Variants in DCC observed in about 807,000 individuals in gnomAD.
DCC encodes netrin receptor DCC.
Under a neutral mutation model 172.5 loss-of-function variants are expected in DCC, and 58 were observed. The observed-to-expected ratio is 0.34, with a 90% CI of 0.27 to 0.42. The LOEUF is 0.42. DCC is among the 10% of genes least tolerant of loss of function. The pLI is 1.00. For missense variants in DCC, 1,740 were observed against 1,791.0 expected (o/e 0.97, Z 0.51); for synonymous variants, 709 against 644.5 (o/e 1.10, Z -1.52).
chr18:53,023,802 T>A (rs1192131909), intron 5 of DCC, among the ~76,000 whole-genome samples: 2 of 152,134 alleles, frequency 1.3e-5, no homozygotes, highest in Non-Finnish European at 2.9e-5. Flanking sequence ...GCCTCACTTA[T>A]GTGTGGATTG....
At chr18:52,999,878 A>G (rs1248205085) in intron 5 of DCC, among the ~76,000 whole-genome samples, 1 of 152,014 alleles carries the variant, frequency 6.6e-6, no homozygotes, top group African/African-American at 2.4e-5. Context: ...TTATTAGTTA[A>G]GATAAGGTAA....
chr18:52,791,983 TAG>T (rs1374667236), intron 2 of DCC, among the ~76,000 whole-genome samples: 2 of 152,050 alleles, frequency 1.3e-5, no homozygotes, highest in Non-Finnish European at 2.9e-5. Flanking sequence ...TTGTTGAAGG[TAG>T]AGTTTTCCCA....
chr18:53,262,333 A>G (rs2056616564), intron 12 of DCC, among the ~76,000 whole-genome samples: 1 of 152,182 alleles, frequency 6.6e-6, no homozygotes, highest in Non-Finnish European at 1.5e-5. Context: ...AAATTCTAAT[A>G]TTTGAGAGTC....
At chr18:52,591,981 G>T (rs2033811661) in intron 1 of DCC, among the ~76,000 whole-genome samples, 1 of 151,944 alleles carries the variant, frequency 6.6e-6, no homozygotes, top group South Asian at 2.1e-4. Context: ...CTCATAGGCA[G>T]TTCTGTAGTC....
chr18:52,943,746 T>G (rs7243476), intron 5 of DCC, among the ~76,000 whole-genome samples: 20 of 151,872 alleles, frequency 1.3e-4, no homozygotes, highest in East Asian at 3.9e-4. Flanking sequence ...TGGTTTTTTT[T>G]TTTGTTTGTT....
intron 21 of DCC, among the ~76,000 whole-genome samples, chr18:53,429,050 TATATTATATA>T (rs1568127062): frequency 3.0e-5 from 2 of 66,374 alleles, no homozygotes; most frequent in African/African-American, 9.6e-5. Flanking sequence ...TTATATATAA[TATATTATATA>T]TTTTATATAT....
chr18:52,499,618 C>A (rs892688712), intron 1 of DCC, among the ~76,000 whole-genome samples: 2 of 152,120 alleles, frequency 1.3e-5, no homozygotes, highest in African/African-American at 2.4e-5. Flanking sequence ...TTAACAAAGA[C>A]CTTTCAGTGC....
In DCC at chr18:52,651,400, C is replaced by G. The variant is rs529986775; in HGVS notation, c.92-100654C>G. Among the ~76,000 whole-genome samples, 338 of 152,072 alleles carry G rather than the reference C, an allele frequency of 2.2e-3. 1 individual carries two copies. Among genetic ancestry groups the G allele is most frequent in the Middle Eastern group, 0.01 (3 of 292 alleles). On this transcript the variant is annotated intron_variant, in intron 1 of 28. Coordinates refer to ENST00000442544, the MANE Select transcript of DCC (RefSeq NM_005215.4). ...GTCTCACCATGTTGCCCAGGCTAGT[C>G]TCAAACCCCTGGGCTCAAGCGATCC... is the stretch of plus-strand genomic sequence containing the variant.
At chr18:52,362,640 T>A (rs60228331) in intron 1 of DCC, among the ~76,000 whole-genome samples, 1 of 152,166 alleles carries the variant, frequency 6.6e-6, no homozygotes, top group Non-Finnish European at 1.5e-5. Flanking sequence ...TATTAACTCC[T>A]GAAACCAAGA....
intron 15 of DCC, among the ~76,000 whole-genome samples, chr18:53,380,153 C>T (rs972519190): frequency 6.6e-6 from 1 of 152,080 alleles, no homozygotes; most frequent in Non-Finnish European, 1.5e-5. Flanking sequence ...ATGTGTTTAA[C>T]TCATTTGATG....
At chr18:52,406,669 T>C (rs985925771) in intron 1 of DCC, among the ~76,000 whole-genome samples, 4 of 152,072 alleles carry the variant, frequency 2.6e-5, no homozygotes, top group African/African-American at 4.8e-5. Flanking sequence ...TCTTACTGTC[T>C]CTCTGTTACA....
chr18:53,362,149 A>G (rs765527449), intron 15 of DCC, among the ~76,000 whole-genome samples: 1 of 152,212 alleles, frequency 6.6e-6, no homozygotes, highest in Non-Finnish European at 1.5e-5. Context: ...CATTATTGCC[A>G]TACCATCTTT....
At chr18:52,802,421 G>A (rs569547430) in intron 2 of DCC, among the ~76,000 whole-genome samples, 3 of 151,378 alleles carry the variant, frequency 2.0e-5, no homozygotes, top group South Asian at 4.2e-4. Flanking sequence ...ACAAAACAGG[G>A]TTAGCCATGC....
intron 5 of DCC, among the ~76,000 whole-genome samples, chr18:53,031,473 T>C (rs1036795255): frequency 1.3e-5 from 2 of 152,106 alleles, no homozygotes; most frequent in Non-Finnish European, 2.9e-5. Context: ...GAGATGAGGG[T>C]CCAATTCTTT....
rs151282063 is a variant in DCC at position 53,194,207 on chromosome 18, T to A, written c.1574-11009T>A. On this transcript the variant is annotated intron_variant, in intron 9 of 28. Coordinates refer to ENST00000442544, the MANE Select transcript of DCC (RefSeq NM_005215.4). ...TGAGATATATACAGGCTCAAATCAA[T>A]GTGAAGTAAGCAAGAAGCCAGTGAA... is the stretch of plus-strand genomic sequence containing the variant. Among the ~76,000 whole-genome samples, 382 of 152,218 alleles carry A rather than the reference T, an allele frequency of 2.5e-3. 4 individuals carry two copies. The highest frequency in any genetic ancestry group is 8.7e-3 in the African/African-American group (362 of 41,526).
chr18:52,885,087 G>C (rs572029154), intron 2 of DCC, among the ~76,000 whole-genome samples: 2 of 152,188 alleles, frequency 1.3e-5, no homozygotes, highest in South Asian at 4.1e-4. Flanking sequence ...CCACCACTAG[G>C]AATGTGCTGG....
chr18:53,261,781 G>A (rs1446497199), intron 12 of DCC, among the ~76,000 whole-genome samples: 1 of 152,130 alleles, frequency 6.6e-6, no homozygotes, highest in Non-Finnish European at 1.5e-5. Flanking sequence ...TTACAAGCGT[G>A]AGCCACTGCG....
Position 52,718,973 on chromosome 18 carries a change from T to C in DCC, c.92-33081T>C, listed in dbSNP as rs565615998. 1.4e-3 allele frequency among the ~76,000 whole-genome samples: 218 copies of C among 152,292 alleles called. 1 individual carries two copies. The highest frequency in any genetic ancestry group is 2.6e-3 in the Non-Finnish European group (177 of 68,008). On this transcript the variant is annotated intron_variant, in intron 1 of 28. Coordinates refer to ENST00000442544, the MANE Select transcript of DCC (RefSeq NM_005215.4). ...GGAGACCTCAAGTGTGAAATCAAGA[T>C]GTCAGCAGGTCCATTTTCCCTCTGA... is the stretch of plus-strand genomic sequence containing the variant.
At chr18:53,181,479 C>T (rs1313519544) in intron 9 of DCC, among the ~76,000 whole-genome samples, 5 of 147,222 alleles carry the variant, frequency 3.4e-5, no homozygotes, top group Non-Finnish European at 5.9e-5. Context: ...GTTTTTGACA[C>T]TGGCTAAGAA....
Sources: gnomAD v4.1 joint callset for allele counts (sites outside exome capture counted in the v4.1 genomes callset) on GRCh38, gnomAD v4.1.1 for gene constraint, MANE v1.5 for transcripts, NCBI Gene and HGNC (gene_info 2026-07-23, HGNC 2026-07-21) for gene names.